Variants in SLIT2 observed in about 807,000 individuals in gnomAD.
SLIT2 encodes slit homolog 2 protein.
Under a neutral mutation model 185.7 loss-of-function variants are expected in SLIT2, and 41 were observed. That is an observed-to-expected ratio of 0.22 (90% CI 0.17 to 0.29). The LOEUF (loss-of-function observed/expected upper bound fraction) is 0.29, where lower values mean the gene tolerates loss of function less well. SLIT2 is among the 10% of genes least tolerant of loss of function. The pLI is 1.00. For missense variants in SLIT2, 1,571 were observed against 1,909.0 expected (o/e 0.82, Z 3.30); for synonymous variants, 693 against 680.2 (o/e 1.02, Z -0.29).
intron 33 of SLIT2, among the ~76,000 whole-genome samples, chr4:20,599,266 C>T (rs1027134300): frequency 6.6e-6 from 1 of 151,796 alleles, no homozygotes; most frequent in African/African-American, 2.4e-5. Flanking sequence ...GTCCTTATTG[C>T]ATAAGACTAA....
intron 4 of SLIT2, among the ~76,000 whole-genome samples, chr4:20,431,649 G>A (rs966008804): frequency 2.6e-5 from 4 of 152,230 alleles, no homozygotes; most frequent in African/African-American, 9.6e-5. Context: ...CAGAGACAGA[G>A]AGAGAGTGCT....
chr4:20,414,989 T>C (rs959976028), intron 4 of SLIT2, among the ~76,000 whole-genome samples: 6 of 152,376 alleles, frequency 3.9e-5, no homozygotes, highest in Middle Eastern at 6.8e-3. Context: ...CTCTACTTAC[T>C]GAATTCCCTT....
At chr4:20,435,628 T>A (rs1049880567) in intron 4 of SLIT2, among the ~76,000 whole-genome samples, 15 of 152,198 alleles carry the variant, frequency 9.9e-5, no homozygotes, top group Non-Finnish European at 1.5e-4. Context: ...AAATTTCGTT[T>A]AGTGCAGGCG....
At chr4:20,459,765 A>G (rs1272160826) in intron 4 of SLIT2, among the ~76,000 whole-genome samples, 1 of 152,026 alleles carries the variant, frequency 6.6e-6, no homozygotes, top group Non-Finnish European at 1.5e-5. Flanking sequence ...GGTTATGTCT[A>G]TAATGCCAGA....
intron 4 of SLIT2, among the ~76,000 whole-genome samples, chr4:20,433,412 C>G (rs1385889018): frequency 6.6e-6 from 1 of 152,072 alleles, no homozygotes; most frequent in African/African-American, 2.4e-5. Flanking sequence ...ATAAAGAAGC[C>G]CAGATACATG....
chr4:20,587,262 G>A (rs973674992), intron 29 of SLIT2, among the ~76,000 whole-genome samples: 9 of 151,972 alleles, frequency 5.9e-5, no homozygotes, highest in African/African-American at 1.5e-4. Context: ...CAGGCAATCC[G>A]CCCTCCTCAG....
At chr4:20,478,068 C>T (rs2148773249) in intron 5 of SLIT2, among the ~76,000 whole-genome samples, 1 of 152,294 alleles carries the variant, frequency 6.6e-6, no homozygotes, top group African/African-American at 2.4e-5. Flanking sequence ...CACTGTTTAT[C>T]TTGAACCATA....
chr4:20,510,473 G>A, intron 9 of SLIT2, 22 bp from the exon 10 acceptor site: 7 of 1,556,488 alleles, frequency 4.5e-6, no homozygotes, highest in Non-Finnish European at 6.2e-6. Context: ...CCATTTAAAA[G>A]TTGAATTTTT....
chr4:20,608,004 T>C (rs901782597), intron 33 of SLIT2, among the ~76,000 whole-genome samples: 5 of 152,156 alleles, frequency 3.3e-5, no homozygotes, highest in African/African-American at 1.2e-4. Context: ...CCTTTAACAT[T>C]ATCTTACAAT....
chr4:20,519,355 T>C, intron 11 of SLIT2, 27 bp from the exon 12 acceptor site: 1 of 1,220,512 alleles, frequency 8.2e-7, no homozygotes, highest in Non-Finnish European at 1.2e-6. Flanking sequence ...GGTGTCTAAT[T>C]TTTTTCATTT....
intron 29 of SLIT2, among the ~76,000 whole-genome samples, chr4:20,583,034 G>A (rs10938800): frequency 0.26 from 39,741 of 152,070 alleles, 6,236 homozygotes; most frequent in East Asian, 0.66. Flanking sequence ...CAAGACTTAC[G>A]AATTGTTTAT....
At chr4:20,341,069 G>A (rs1371708409) in intron 4 of SLIT2, among the ~76,000 whole-genome samples, 1 of 152,180 alleles carries the variant, frequency 6.6e-6, no homozygotes, top group African/African-American at 2.4e-5. Flanking sequence ...CCTGGGGATG[G>A]ACTAAAAAGA....
chr4:20,361,306 A>G (rs1722727054), intron 4 of SLIT2, among the ~76,000 whole-genome samples: 1 of 152,064 alleles, frequency 6.6e-6, no homozygotes, highest in Non-Finnish European at 1.5e-5. Context: ...CCTCGCATCC[A>G]TCCATCCACC....
At chr4:20,469,997 C>T (rs983670449) in intron 5 of SLIT2, among the ~76,000 whole-genome samples, 5 of 151,962 alleles carry the variant, frequency 3.3e-5, no homozygotes, top group African/African-American at 1.2e-4. Flanking sequence ...TCAGGTGATC[C>T]ACCCTCCTCA....
intron 11 of SLIT2, among the ~76,000 whole-genome samples, chr4:20,513,259 T>C (rs1719915813): frequency 1.3e-5 from 2 of 152,194 alleles, no homozygotes; most frequent in South Asian, 4.1e-4. Context: ...TGTAGCAACG[T>C]GTGGAAGATC....
At chr4:20,555,179 C>T (rs1170999694) in intron 26 of SLIT2, among the ~76,000 whole-genome samples, 1 of 152,064 alleles carries the variant, frequency 6.6e-6, no homozygotes, top group Non-Finnish European at 1.5e-5. Flanking sequence ...GTTTTATGTG[C>T]AAAACTCAAT....
chr4:20,472,318 A>C (rs530860577), intron 5 of SLIT2, among the ~76,000 whole-genome samples: 1,200 of 9,340 alleles, frequency 0.13, 214 homozygotes, highest in Non-Finnish European at 0.15. Flanking sequence ...ATATATAGAT[A>C]TATATATCTA....
At chr4:20,509,720 A>G (rs1396637121) in intron 9 of SLIT2, among the ~76,000 whole-genome samples, 4 of 152,238 alleles carry the variant, frequency 2.6e-5, no homozygotes, top group Non-Finnish European at 5.9e-5. Context: ...AAAAGACTTC[A>G]TGCAATCTAC....
rs75685934 is a variant in SLIT2, at chr4:20,521,483, T to C, written c.1130+2030T>C. ...TTAAAGTGAGTACAAACTGCATAGA[T>C]GCAAGATGATGCAAAACAACATCTT... On this transcript the variant is annotated intron_variant, in intron 12 of 36. Coordinates refer to ENST00000504154, the MANE Select transcript of SLIT2 (RefSeq NM_004787.4). 4.6e-3 allele frequency among the ~76,000 whole-genome samples: 705 copies of C among 152,344 alleles called. 12 individuals carry two copies. Among genetic ancestry groups the C allele is most frequent in the Non-Finnish European group, 3.1e-3 (210 of 68,032 alleles).
Sources: allele counts gnomAD v4.1 joint callset (sites outside exome capture counted in the v4.1 genomes callset), GRCh38; gene constraint gnomAD v4.1.1; transcripts MANE v1.5; gene names NCBI Gene and HGNC (gene_info 2026-07-23, HGNC 2026-07-21).